The following NRG1 variants were observed in gnomAD, a reference collection of about 807,000 sequenced individuals.
NRG1 encodes the protein neuregulin 1.
In NRG1, 18 loss-of-function variants were observed where a neutral mutation model predicts 63.8. That is an observed-to-expected ratio of 0.28 (90% CI 0.19 to 0.42). The LOEUF (loss-of-function observed/expected upper bound fraction) is 0.42. NRG1 is among the 10% of genes least tolerant of loss of function. The probability of loss-of-function intolerance (pLI) is 1.00; values close to 1 mark genes in which losing one functional copy is unlikely to be tolerated. For synonymous variants in NRG1, 302 were observed against 301.3 expected, an observed-to-expected ratio of 1.00 and a Z score of -0.02; for missense variants, 762 against 814.7, an observed-to-expected ratio of 0.94 and a Z score of 0.79.
chr8:31,935,070 C>A (rs1835190521), intron 1 of NRG1, among the ~76,000 whole-genome samples: 1 of 152,116 alleles, frequency 6.6e-6, no homozygotes, highest in African/African-American at 2.4e-5. Context: ...CCTGCCTCGG[C>A]CTCCTGAGTA....
chr8:32,361,995 G>A (rs1019166784), intron 1 of NRG1, among the ~76,000 whole-genome samples: 4 of 152,142 alleles, frequency 2.6e-5, no homozygotes, highest in African/African-American at 9.7e-5. Context: ...GCTCTCCAGA[G>A]ATGATCTCAA....
At chr8:32,607,391 T>C (rs1396009638) in intron 3 of NRG1, among the ~76,000 whole-genome samples, 1 of 152,160 alleles carries the variant, frequency 6.6e-6, no homozygotes, top group Non-Finnish European at 1.5e-5. Context: ...ATTGTGATTT[T>C]TGACACTTGG....
chr8:32,554,669 A>G (rs1004982629), intron 1 of NRG1, among the ~76,000 whole-genome samples: 2 of 152,202 alleles, frequency 1.3e-5, no homozygotes, highest in Non-Finnish European at 2.9e-5. Flanking sequence ...TCGTTAACAC[A>G]TTAGATTTCT....
Position 31,781,159 on chromosome 8 carries a change from T to G in NRG1, c.37+141728T>G, listed in dbSNP as rs555659143. Among the ~76,000 whole-genome samples the G allele has an allele frequency of 3.5e-4, 54 of 152,322 alleles. No individual in the cohort carries two copies. The South Asian group carries it at 0.011, about 30-fold the overall frequency. On this transcript the variant is annotated intron_variant, in intron 1 of 10. Transcript: ENST00000519301. ...GGCTCAATCAGCCCAGACAGATTTA[T>G]TCATTCTTTATTCTGGATGAAGAAG...
In NRG1 at chr8:32,056,622, C is replaced by T. The variant is rs192433589; in HGVS notation, c.37+417191C>T. Among the ~76,000 whole-genome samples, 316 of 152,258 alleles carry T rather than the reference C, an allele frequency of 2.1e-3. 1 individual carries two copies. Among genetic ancestry groups the T allele is most frequent in the South Asian group, 7.7e-3 (37 of 4,832 alleles). On this transcript the variant is annotated intron_variant, in intron 1 of 10. Transcript: ENST00000519301. ...TGTATAGTTTACTGACCTAACCTCA[C>T]ATTTGTTTAATCATATCCTTTATTT...
At chr8:32,405,157 A>C (rs1056295237) in intron 1 of NRG1, among the ~76,000 whole-genome samples, 1 of 152,182 alleles carries the variant, frequency 6.6e-6, no homozygotes, top group Non-Finnish European at 1.5e-5. Context: ...AGCTAGGTGC[A>C]AACCCAGTTG....
chr8:32,341,972 A>T (rs1464373433), intron 1 of NRG1, among the ~76,000 whole-genome samples: 1 of 152,216 alleles, frequency 6.6e-6, no homozygotes, highest in Non-Finnish European at 1.5e-5. Context: ...ATTATTTAAT[A>T]TCAAAAAGGC....
At chr8:31,847,174 T>TTGG (rs1563475889) in intron 1 of NRG1, among the ~76,000 whole-genome samples, 1 of 152,230 alleles carries the variant, frequency 6.6e-6, no homozygotes, top group African/African-American at 2.4e-5. Flanking sequence ...TTGCATCTCA[T>TTGG]TGGTGTTACA....
intron 1 of NRG1, among the ~76,000 whole-genome samples, chr8:32,414,546 T>C (rs1474776033): frequency 6.6e-6 from 1 of 152,212 alleles, no homozygotes; most frequent in African/African-American, 2.4e-5. Flanking sequence ...TTTCTATAGA[T>C]ATGCATCATC....
At chr8:32,241,486 GA>G (rs1848091033) in intron 1 of NRG1, among the ~76,000 whole-genome samples, 1 of 152,124 alleles carries the variant, frequency 6.6e-6, no homozygotes, top group African/African-American at 2.4e-5. Context: ...CACATTTGTA[GA>G]AAGTATTATC....
intron 1 of NRG1, among the ~76,000 whole-genome samples, chr8:31,743,198 C>T (rs1360396256): frequency 1.3e-5 from 2 of 151,860 alleles, no homozygotes; most frequent in Non-Finnish European, 2.9e-5. Flanking sequence ...TCACATCTTC[C>T]CCTCTCTCCA....
chr8:32,687,559 C>T (rs1589211452), intron 5 of NRG1, among the ~76,000 whole-genome samples: 2 of 152,138 alleles, frequency 1.3e-5, no homozygotes, highest in Non-Finnish European at 2.9e-5. Context: ...AAGCTCAGAA[C>T]CATTAGCTGA....
chr8:32,024,824 A>G (rs1816989115), intron 1 of NRG1, among the ~76,000 whole-genome samples: 1 of 152,242 alleles, frequency 6.6e-6, no homozygotes, highest in Non-Finnish European at 1.5e-5. Flanking sequence ...AAATGATCCC[A>G]AAAGTATAGA....
At chr8:31,966,596 C>T (rs1346017128) in intron 1 of NRG1, among the ~76,000 whole-genome samples, 1 of 152,206 alleles carries the variant, frequency 6.6e-6, no homozygotes, top group East Asian at 1.9e-4. Context: ...CTACAATTCA[C>T]TGCACAGTGC....
chr8:32,418,045 G>A lies in NRG1; in HGVS notation c.38-177783G>A, dbSNP rs190850451. 3.9e-4 allele frequency among the ~76,000 whole-genome samples: 60 copies of A among 152,136 alleles called. No individual in the cohort carries two copies. In the East Asian group the frequency reaches 9.7e-3, roughly 24 times the overall value. ...CTAGATAGTGGCAGAGGGAAACAGA[G>A]GAAAAGGAGATCTATGCATTGTCTT... is the stretch of plus-strand genomic sequence containing the variant. On this transcript the variant is annotated intron_variant, in intron 1 of 10. Coordinates refer to the NRG1 transcript ENST00000519301.
rs201451670 is a variant in NRG1 at position 32,595,960 on chromosome 8, A to T, written c.233A>T (p.Asn78Ile). The change falls in exon 2 of 12, where the codon AAT becomes ATT. Residue 78 changes from asparagine (N) to isoleucine (I), a missense_variant. Coordinates refer to ENST00000356819, the Ensembl canonical transcript of NRG1. ...TGGTTCAAGAATGGGAATGAATTGA[A>T]TCGAAAAAACAAACCACAAAATATC... The T allele has an allele frequency of 4.8e-5, 77 of 1,613,814 alleles. No homozygotes were observed. The highest frequency in any genetic ancestry group is 8.3e-5 in the Admixed American group (5 of 59,984).
intron 6 of NRG1, among the ~76,000 whole-genome samples, chr8:32,735,702 A>G (rs1240597415): frequency 6.6e-6 from 1 of 152,198 alleles, no homozygotes; most frequent in African/African-American, 2.4e-5. Context: ...CAACTTAAGG[A>G]TTCATCATGT....
At chr8:32,599,757 C>T (rs527611964) in intron 2 of NRG1, among the ~76,000 whole-genome samples, 3 of 152,258 alleles carry the variant, frequency 2.0e-5, no homozygotes, top group Admixed American at 6.5e-5. Flanking sequence ...CATTTAAATA[C>T]CTGTTCTATC....
At chr8:31,997,370 G>A (rs1409068350) in intron 1 of NRG1, among the ~76,000 whole-genome samples, 1 of 151,784 alleles carries the variant, frequency 6.6e-6, no homozygotes, top group Non-Finnish European at 1.5e-5. Context: ...AGGATTGCCT[G>A]GCACAAATTT....
Sources: gnomAD v4.1 joint callset for allele counts (sites outside exome capture counted in the v4.1 genomes callset) on GRCh38, gnomAD v4.1.1 for gene constraint, MANE v1.5 for transcripts, NCBI Gene and HGNC (gene_info 2026-07-23, HGNC 2026-07-21) for gene names.